The following DPP10 variants were observed in gnomAD, a reference collection of about 807,000 sequenced individuals.
DPP10 encodes the protein inactive dipeptidyl peptidase 10.
Under a neutral mutation model 120.9 loss-of-function variants are expected in DPP10, and 33 were observed. That is an observed-to-expected ratio of 0.27 (90% CI 0.21 to 0.37). The LOEUF is 0.37. Ranked by LOEUF, DPP10 falls within the 10% of genes least tolerant of loss-of-function variation. DPP10 has a pLI of 1.00. For missense variants in DPP10, 816 were observed against 942.8 expected (o/e 0.87, Z 1.76); for synonymous variants, 337 against 326.1 (o/e 1.03, Z -0.36).
intron 1 of DPP10, among the ~76,000 whole-genome samples, chr2:115,142,254 C>T (rs1173178202): frequency 6.6e-6 from 1 of 152,152 alleles, no homozygotes; most frequent in African/African-American, 2.4e-5. Flanking sequence ...AAATCATTCA[C>T]TGCTTTTTTG....
At chr2:115,732,996 A>T (rs2092948135) in intron 8 of DPP10, among the ~76,000 whole-genome samples, 1 of 152,156 alleles carries the variant, frequency 6.6e-6, no homozygotes, top group Non-Finnish European at 1.5e-5. Context: ...TATAAATAGG[A>T]TTTATTTCAC....
In DPP10 at chr2:115,232,457, A is replaced by G. The variant is rs1000865934; in HGVS notation, c.61-76782A>G. Among the ~76,000 whole-genome samples the G allele has an allele frequency of 3.9e-5, 6 of 152,280 alleles. No homozygotes were observed. The South Asian group carries it at 8.3e-4, about 21-fold the overall frequency. On this transcript the variant is annotated intron_variant, in intron 1 of 25. Coordinates refer to ENST00000410059, the MANE Select transcript of DPP10 (RefSeq NM_020868.6). ...TTTCTGTTTAATTATTTTGCTTACA[A>G]TGTTTCACTGACCATAGGTTTTGAA...
intron 19 of DPP10, among the ~76,000 whole-genome samples, chr2:115,810,930 G>A (rs1686575994): frequency 6.6e-6 from 1 of 152,074 alleles, no homozygotes; most frequent in African/African-American, 2.4e-5. Flanking sequence ...CATGAGTCGT[G>A]GTACCCATTT....
chr2:115,286,512 TAA>T lies in DPP10; in HGVS notation c.61-22726_61-22725del, dbSNP rs2060392225. On this transcript the variant is annotated intron_variant, in intron 1 of 25. Coordinates refer to ENST00000410059, the MANE Select transcript of DPP10 (RefSeq NM_020868.6). ...ATATAATATATATATATTACATATA[TAA>T]TATATATATATAATATATATATATA... Among the ~76,000 whole-genome samples the T allele has an allele frequency of 3.7e-4, 10 of 27,388 alleles. 1 individual carries two copies. The South Asian group carries it at 5.0e-3, about 14-fold the overall frequency. 18.0% of individuals were successfully genotyped at this position (27,388 alleles called of 152,430 possible). A position where few individuals can be genotyped will look rare whatever the true frequency, so the allele number is the denominator to read the frequency against.
chr2:115,726,072 G>C (rs922468566), intron 7 of DPP10, among the ~76,000 whole-genome samples: 1 of 152,006 alleles, frequency 6.6e-6, no homozygotes, highest in Non-Finnish European at 1.5e-5. Flanking sequence ...TCTCACCTGA[G>C]AACTTTCTAA....
At chr2:115,275,177 A>G (rs1029617125) in intron 1 of DPP10, among the ~76,000 whole-genome samples, 1 of 152,200 alleles carries the variant, frequency 6.6e-6, no homozygotes, top group African/African-American at 2.4e-5. Flanking sequence ...TTCAAAAACT[A>G]CAGGTTGACC....
chr2:114,568,490 T>C (rs1166681693), intron 1 of DPP10, among the ~76,000 whole-genome samples: 1 of 152,172 alleles, frequency 6.6e-6, no homozygotes, highest in Non-Finnish European at 1.5e-5. Flanking sequence ...TTGAGTTCTG[T>C]AGTTACCACA....
At chr2:114,674,995 A>G (rs1383883964) in intron 1 of DPP10, among the ~76,000 whole-genome samples, 1 of 152,188 alleles carries the variant, frequency 6.6e-6, no homozygotes, top group Non-Finnish European at 1.5e-5. Flanking sequence ...CCTTCACTTC[A>G]TGGGTGACCT....
intron 11 of DPP10, among the ~76,000 whole-genome samples, chr2:115,756,010 A>G (rs564413377): frequency 6.6e-6 from 1 of 152,218 alleles, no homozygotes; most frequent in East Asian, 1.9e-4. Flanking sequence ...ATAAAAAAGA[A>G]TGAAATTCTG....
chr2:114,898,324 A>T (rs532391068), intron 1 of DPP10, among the ~76,000 whole-genome samples: 14 of 151,828 alleles, frequency 9.2e-5, no homozygotes, highest in African/African-American at 3.1e-4. Context: ...CAGGAAGGGG[A>T]ATATCACACT....
intron 3 of DPP10, among the ~76,000 whole-genome samples, chr2:115,458,442 T>C (rs905434038): frequency 3.3e-5 from 5 of 152,146 alleles, no homozygotes; most frequent in Non-Finnish European, 7.4e-5. Flanking sequence ...CTATTTAGAC[T>C]TAAAAGAAAA....
chr2:115,414,049 C>T (rs185035776), intron 3 of DPP10, among the ~76,000 whole-genome samples: 1 of 152,010 alleles, frequency 6.6e-6, no homozygotes, highest in Non-Finnish European at 1.5e-5. Flanking sequence ...TGAGGAAGAG[C>T]CTTTAGCTTC....
chr2:115,447,483 T>C (rs1162318455), intron 3 of DPP10, among the ~76,000 whole-genome samples: 2 of 152,100 alleles, frequency 1.3e-5, no homozygotes. Flanking sequence ...AATGATATGG[T>C]TTGTCCCTGT....
At chr2:114,608,116 G>C (rs999473920) in intron 1 of DPP10, among the ~76,000 whole-genome samples, 1 of 152,288 alleles carries the variant, frequency 6.6e-6, no homozygotes, top group East Asian at 1.9e-4. Flanking sequence ...AGTATTTACT[G>C]GTCCTGACTA....
At chr2:115,694,537 A>G (rs2091480827) in intron 7 of DPP10, among the ~76,000 whole-genome samples, 1 of 152,202 alleles carries the variant, frequency 6.6e-6, no homozygotes, top group South Asian at 2.1e-4. Context: ...GAAGCAATAA[A>G]GAGTGCATTA....
intron 5 of DPP10, among the ~76,000 whole-genome samples, chr2:115,556,810 G>T (rs993795392): frequency 3.3e-5 from 5 of 152,016 alleles, no homozygotes; most frequent in African/African-American, 1.2e-4. Context: ...ATCTGAAAAC[G>T]GCCAAAAACT....
chr2:115,269,086 G>A (rs933887202), intron 1 of DPP10, among the ~76,000 whole-genome samples: 3 of 152,202 alleles, frequency 2.0e-5, no homozygotes, highest in African/African-American at 7.2e-5. Flanking sequence ...GGCAGAGTTT[G>A]CAGTGAGCGG....
intron 5 of DPP10, among the ~76,000 whole-genome samples, chr2:115,639,455 A>G (rs557534111): frequency 4.4e-4 from 67 of 152,324 alleles, no homozygotes; most frequent in Non-Finnish European, 8.2e-4. Flanking sequence ...AAACAGGAGT[A>G]ACAGGAAACG....
chr2:115,739,933 T>G (rs748476833), intron 9 of DPP10, 40 bp downstream of exon 9: 1 of 1,599,406 alleles, frequency 6.3e-7, no homozygotes, highest in Non-Finnish European at 8.6e-7. Flanking sequence ...CTTCTCTCTC[T>G]CTGCACTAGT....
Sources: gnomAD v4.1 joint callset for allele counts (sites outside exome capture counted in the v4.1 genomes callset) on GRCh38, gnomAD v4.1.1 for gene constraint, MANE v1.5 for transcripts, NCBI Gene and HGNC (gene_info 2026-07-23, HGNC 2026-07-21) for gene names.